The following PPP3R1 variants were observed in gnomAD, a reference collection of about 807,000 sequenced individuals.
The protein encoded by PPP3R1 is protein phosphatase 3 regulatory subunit B, alpha.
PPP3R1 carries 5 observed loss-of-function variants against 22.6 expected under a neutral mutation model. That is an observed-to-expected ratio of 0.22 (90% CI 0.12 to 0.46). The LOEUF (loss-of-function observed/expected upper bound fraction) is 0.46. Ranked by LOEUF, PPP3R1 falls within the 20% of genes least tolerant of loss-of-function variation. The probability of loss-of-function intolerance (pLI) is 0.99; values close to 1 mark genes in which losing one functional copy is unlikely to be tolerated. For synonymous variants in PPP3R1, 56 were observed against 65.2 expected (o/e 0.86, Z 0.68); for missense variants, 61 against 203.2 (o/e 0.30, Z 4.25).
chr2:68,205,770 C>T (rs777410999), intron 2 of PPP3R1, among the ~76,000 whole-genome samples: 13 of 151,824 alleles, frequency 8.6e-5, no homozygotes, highest in Non-Finnish European at 1.3e-4. Context: ...AGCCAGATTG[C>T]AGTAGACCAA....
chr2:68,228,000 C>T (rs376439982), intron 1 of PPP3R1, among the ~76,000 whole-genome samples: 102 of 152,248 alleles, frequency 6.7e-4, no homozygotes, highest in Admixed American at 1.8e-3. Flanking sequence ...TTCAGCACTA[C>T]GCTAAAAAGG....
intron 1 of PPP3R1, among the ~76,000 whole-genome samples, chr2:68,230,273 G>A (rs1011476128): frequency 3.9e-5 from 6 of 152,116 alleles, no homozygotes; most frequent in Non-Finnish European, 7.4e-5. Context: ...GATTACAGGC[G>A]TAAGCCACCA....
At chr2:68,251,190 A>C (rs1422812384) in intron 1 of PPP3R1, 1 of 152,280 alleles carries the variant, frequency 6.6e-6, no homozygotes, top group Non-Finnish European at 1.5e-5. Flanking sequence ...TAACAGGCTA[A>C]AAGGGCGTCG....
intron 2 of PPP3R1, 62 bp downstream of exon 2, chr2:68,217,030 A>G: frequency 8.3e-7 from 1 of 1,208,412 alleles, no homozygotes; most frequent in Non-Finnish European, 1.2e-6. Flanking sequence ...ACACACACAC[A>G]CACACACACA....
intron 2 of PPP3R1, among the ~76,000 whole-genome samples, chr2:68,198,255 A>G (rs1674850354): frequency 6.8e-6 from 1 of 146,646 alleles, no homozygotes; most frequent in Non-Finnish European, 1.5e-5. Context: ...GTACATACAT[A>G]TGTATACATA....
chr2:68,243,573 G>C (rs1435786422), intron 1 of PPP3R1, among the ~76,000 whole-genome samples: 1 of 151,992 alleles, frequency 6.6e-6, no homozygotes, highest in African/African-American at 2.4e-5. Flanking sequence ...TGTTTAATAA[G>C]ATATTAGGTA....
intron 2 of PPP3R1, among the ~76,000 whole-genome samples, 175 bp downstream of exon 2, chr2:68,216,917 T>C (rs1178974493): frequency 6.6e-6 from 1 of 151,820 alleles, no homozygotes; most frequent in African/African-American, 2.4e-5. Flanking sequence ...TCTGGTAACA[T>C]AAATAGACTG....
At chr2:68,239,950 T>G (rs1289841525) in intron 1 of PPP3R1, among the ~76,000 whole-genome samples, 1 of 152,188 alleles carries the variant, frequency 6.6e-6, no homozygotes, top group Non-Finnish European at 1.5e-5. Context: ...TCACTTTCAG[T>G]ACAGTTTTCA....
At chr2:68,207,519 G>A (rs562334411) in intron 2 of PPP3R1, among the ~76,000 whole-genome samples, 1 of 152,312 alleles carries the variant, frequency 6.6e-6, no homozygotes, top group African/African-American at 2.4e-5. Context: ...ATGTACGTAA[G>A]GAACATCTAT....
intron 2 of PPP3R1, among the ~76,000 whole-genome samples, chr2:68,190,823 A>C (rs557293550): frequency 5.3e-5 from 8 of 152,244 alleles, no homozygotes; most frequent in Non-Finnish European, 1.2e-4. Flanking sequence ...ATTTTAGAAA[A>C]GTAGTTTCTA....
chr2:68,206,135 A>C (rs546660465), intron 2 of PPP3R1, among the ~76,000 whole-genome samples: 52 of 152,278 alleles, frequency 3.4e-4, no homozygotes, highest in African/African-American at 1.2e-3. Context: ...AAAGGTTCAA[A>C]TACGTGAAAG....
chr2:68,192,293 G>A (rs1487083704), intron 2 of PPP3R1, among the ~76,000 whole-genome samples: 7 of 152,130 alleles, frequency 4.6e-5, no homozygotes, highest in Admixed American at 3.3e-4. Context: ...GACTAGGAAA[G>A]GTGACAGGGA....
chr2:68,188,536 C>G lies in PPP3R1; in HGVS notation c.198G>C (p.Gly66=). The change falls in exon 3 of 6, where the codon GGG becomes GGC. Residue 66 remains glycine, a synonymous_variant. Transcript: ENST00000234310. The part of the protein sequence containing the change: ...QRVIDIFDTD[G]NGEVDFKEFI... Reference sequence around the variant, plus strand: ...TACCTTTAAAGTCTACTTCTCCATTCCCATCTGTGTCGAATATATCTATTA... The same window carrying G: ...TACCTTTAAAGTCTACTTCTCCATTGCCATCTGTGTCGAATATATCTATTA... The G allele has an allele frequency of 6.2e-7, 1 of 1,604,498 alleles. No individual in the cohort carries two copies. Among genetic ancestry groups the G allele is most frequent in the Non-Finnish European group, 8.5e-7 (1 of 1,176,434 alleles).
At chr2:68,210,031 TA>T (rs1669447049) in intron 2 of PPP3R1, among the ~76,000 whole-genome samples, 1 of 152,030 alleles carries the variant, frequency 6.6e-6, no homozygotes, top group Non-Finnish European at 1.5e-5. Context: ...GTCTTAACAA[TA>T]CAAAACAGAA....
chr2:68,235,492 A>G (rs1670001769), intron 1 of PPP3R1, among the ~76,000 whole-genome samples: 1 of 152,232 alleles, frequency 6.6e-6, no homozygotes, highest in Non-Finnish European at 1.5e-5. Context: ...CTGGCTACTT[A>G]GTCGAGTATT....
chr2:68,190,154 G>A (rs547462066), intron 2 of PPP3R1, among the ~76,000 whole-genome samples: 4 of 146,794 alleles, frequency 2.7e-5, no homozygotes, highest in African/African-American at 5.0e-5. Context: ...TAGTTCACAC[G>A]TAATTCGTAA....
At chr2:68,196,993 G>A (rs936768325) in intron 2 of PPP3R1, among the ~76,000 whole-genome samples, 1 of 152,096 alleles carries the variant, frequency 6.6e-6, no homozygotes, top group Non-Finnish European at 1.5e-5. Context: ...CCAAAGTGCT[G>A]GAATTACAGG....
intron 1 of PPP3R1, among the ~76,000 whole-genome samples, chr2:68,244,615 T>A (rs1248234171): frequency 6.6e-6 from 1 of 152,010 alleles, no homozygotes; most frequent in Non-Finnish European, 1.5e-5. Flanking sequence ...CTAGAGCTCA[T>A]TCCATTAATC....
intron 1 of PPP3R1, among the ~76,000 whole-genome samples, chr2:68,244,821 T>C (rs1055568441): frequency 6.6e-6 from 1 of 152,144 alleles, no homozygotes; most frequent in Non-Finnish European, 1.5e-5. Context: ...TTTCCTTTAT[T>C]CCACTTCACA....
Sources: gnomAD v4.1 joint callset for allele counts (sites outside exome capture counted in the v4.1 genomes callset) on GRCh38, gnomAD v4.1.1 for gene constraint, MANE v1.5 for transcripts, NCBI Gene and HGNC (gene_info 2026-07-23, HGNC 2026-07-21) for gene names.